Variants in IL27RA observed in about 807,000 individuals in gnomAD.
The protein encoded by IL27RA is interleukin-27 receptor subunit alpha.
Under a neutral mutation model 80.8 loss-of-function variants are expected in IL27RA, and 61 were observed. The ratio of observed to expected loss-of-function variants is 0.76; its 90% CI spans 0.61 to 0.93. IL27RA has a LOEUF of 0.93. Among genes scored for constraint, IL27RA ranks in the 40% least tolerant of loss-of-function variants. The pLI is 0.00. For missense variants in IL27RA, 735 were observed against 808.1 expected (o/e 0.91, Z 1.10); for synonymous variants, 316 against 332.5 (o/e 0.95, Z 0.54).
At chr19:14,032,763 G>A (rs1975839105) in intron 2 of IL27RA, among the ~76,000 whole-genome samples, 1 of 135,042 alleles carries the variant, frequency 7.4e-6, no homozygotes, top group Non-Finnish European at 1.5e-5. Context: ...CCCAGATCTC[G>A]CCACTGCACT....
intron 10 of IL27RA, among the ~76,000 whole-genome samples, chr19:14,050,203 T>C (rs1286671635): frequency 6.7e-6 from 1 of 150,126 alleles, no homozygotes; most frequent in Non-Finnish European, 1.5e-5. Context: ...AAGTGCTGAG[T>C]AGAGAATGAA....
chr19:14,047,525 T>A (rs10407905), intron 8 of IL27RA, among the ~76,000 whole-genome samples: 1,513 of 151,136 alleles, frequency 0.01, 21 homozygotes, highest in African/African-American at 0.034. Flanking sequence ...CCCAGCTAAT[T>A]TTTTTATTTT....
intron 6 of IL27RA, among the ~76,000 whole-genome samples, chr19:14,045,146 G>A (rs1457248619): frequency 6.6e-6 from 1 of 151,112 alleles, no homozygotes; most frequent in Non-Finnish European, 1.5e-5. Flanking sequence ...AATTAGCGGG[G>A]TGTGGTGGCA....
chr19:14,039,920 G>C lies in IL27RA; in HGVS notation c.534+10G>C, dbSNP rs1421178034. On this transcript the variant is annotated intron_variant, in intron 4 of 13. Coordinates refer to ENST00000263379, the MANE Select transcript of IL27RA (RefSeq NM_004843.4). ...GGCGGCCTGGACCCTGGTGAGTGCT[G>C]GGGTCCTTTTCTCCCCACCCTATTC... 6.2e-7 allele frequency: 1 copy of C among 1,613,026 alleles called. No homozygotes were observed. Among genetic ancestry groups the C allele is most frequent in the South Asian group, 1.1e-5 (1 of 91,040 alleles).
intron 6 of IL27RA, among the ~76,000 whole-genome samples, chr19:14,043,325 C>T (rs144436458): frequency 6.5e-4 from 99 of 152,176 alleles, no homozygotes; most frequent in Non-Finnish European, 1.2e-3. Flanking sequence ...AGGATGGGTG[C>T]AGATATTCCG....
chr19:14,047,931 G>A (rs796166111), intron 8 of IL27RA, among the ~76,000 whole-genome samples: 2 of 150,998 alleles, frequency 1.3e-5, no homozygotes, highest in African/African-American at 4.9e-5. Context: ...CAAAGTGCTG[G>A]GATTTCAGGC....
Position 14,031,991 on chromosome 19 carries a change from T to G in IL27RA, c.100+19T>G. Reference sequence around the variant, plus strand: ...CCCCAGGGTGAGTGCTGGAGGGAGCTCGTGTCCCGGGCGCTGCCGCTGCGC... The same window carrying G: ...CCCCAGGGTGAGTGCTGGAGGGAGCGCGTGTCCCGGGCGCTGCCGCTGCGC... On this transcript the variant is annotated intron_variant, in intron 1 of 13. Coordinates refer to ENST00000263379, the MANE Select transcript of IL27RA (RefSeq NM_004843.4). The G allele has an allele frequency of 6.3e-7, 1 of 1,592,514 alleles. No homozygotes were observed. Among genetic ancestry groups the G allele is most frequent in the Non-Finnish European group, 8.6e-7 (1 of 1,166,956 alleles).
Position 14,042,623 on chromosome 19 carries a change from C to T in IL27RA, c.694+11C>T. On this transcript the variant is annotated intron_variant, in intron 5 of 13. Transcript: ENST00000263379. ...AGACACCGCCTTCTGGTGAGGATATCTGGGCTTGCCCTCAATCCACGCCCC... is the reference window on the plus strand; with the variant it reads ...AGACACCGCCTTCTGGTGAGGATATTTGGGCTTGCCCTCAATCCACGCCCC... The T allele has an allele frequency of 6.2e-7, 1 of 1,614,102 alleles. No individual in the cohort carries two copies. Among genetic ancestry groups the T allele is most frequent in the South Asian group, 1.1e-5 (1 of 91,088 alleles).
In IL27RA at chr19:14,052,465, G is replaced by A. The variant is rs1412277036; in HGVS notation, c.*175G>A. 4.0e-6 allele frequency: 2 copies of A among 500,850 alleles called. No homozygotes were observed. Among genetic ancestry groups the A allele is most frequent in the Non-Finnish European group, 6.8e-6 (2 of 292,580 alleles). The allele number at this position is 500,850 out of a possible 1,614,324, so 31.0% of individuals were successfully genotyped here. On this transcript the variant is annotated 3_prime_UTR_variant, in exon 14 of 14. Coordinates refer to ENST00000263379, the MANE Select transcript of IL27RA (RefSeq NM_004843.4). ...GCTGGGATTGAAGGACCCCTATAGAGAAGGGCTTGGCCCCCATGGGGAAGA... is the reference window on the plus strand; with the variant it reads ...GCTGGGATTGAAGGACCCCTATAGAAAAGGGCTTGGCCCCCATGGGGAAGA...
rs1976170731 is a variant in IL27RA, at chr19:14,051,850, CTGCTGCCCTGACTACTCCTGTCT to C, written c.1623-26_1623-4del. The C allele has an allele frequency of 6.5e-7, 1 of 1,546,454 alleles. No homozygotes were observed. Among genetic ancestry groups the C allele is most frequent in the Non-Finnish European group, 8.8e-7 (1 of 1,134,958 alleles). ...GGCTGGGGCATCTGGCCATCTGGATCTGCTGCCCTGACTACTCCTGTCTTGCCAGGTGCTACCACCTAAGGCAC... is the reference window on the plus strand; with the variant it reads ...GGCTGGGGCATCTGGCCATCTGGATCTGCCAGGTGCTACCACCTAAGGCAC... On this transcript the variant is annotated splice_region_variant and splice_polypyrimidine_tract_variant and intron_variant, in intron 12 of 13. Transcript: ENST00000263379.
At chr19:14,045,290 GAAA>G (rs998564347) in intron 6 of IL27RA, among the ~76,000 whole-genome samples, 1 of 106,434 alleles carries the variant, frequency 9.4e-6, no homozygotes. Flanking sequence ...ATGTCAAAAA[GAAA>G]AAAAAAAAAA....
intron 6 of IL27RA, among the ~76,000 whole-genome samples, chr19:14,043,815 A>C (rs1006376410): frequency 6.6e-6 from 1 of 151,538 alleles, no homozygotes; most frequent in Non-Finnish European, 1.5e-5. Context: ...TGAGAGGCTC[A>C]GGTGGGCAGA....
intron 2 of IL27RA, among the ~76,000 whole-genome samples, chr19:14,032,728 C>T (rs1483868250): frequency 6.7e-6 from 1 of 148,158 alleles, no homozygotes; most frequent in Non-Finnish European, 1.5e-5. Flanking sequence ...ATCGCTTGAA[C>T]CCGGGAGGCG....
chr19:14,052,330 G>GGTGCAACCTGC lies in IL27RA; in HGVS notation c.*40_*41insGTGCAACCTGC. 1.4e-6 allele frequency: 2 copies of GGTGCAACCTGC among 1,424,720 alleles called. No homozygotes were observed. The highest frequency in any genetic ancestry group is 1.9e-6 in the Non-Finnish European group (2 of 1,077,632). The allele number at this position is 1,424,720 out of a possible 1,614,324, so 88.3% of individuals were successfully genotyped here. On this transcript the variant is annotated 3_prime_UTR_variant, in exon 14 of 14. Coordinates refer to ENST00000263379, the MANE Select transcript of IL27RA (RefSeq NM_004843.4). Reference sequence around the variant, plus strand: ...TGGGGGCTGCCAGCCAGGCTAGAGGGATGCTCATGCAGGTTGCACCCCAGT... The same window carrying GGTGCAACCTGC: ...TGGGGGCTGCCAGCCAGGCTAGAGGGGTGCAACCTGCATGCTCATGCAGGTTGCACCCCAGT...
intron 6 of IL27RA, among the ~76,000 whole-genome samples, chr19:14,043,811 G>A (rs1326139109): frequency 6.6e-6 from 1 of 151,550 alleles, no homozygotes; most frequent in Non-Finnish European, 1.5e-5. Flanking sequence ...ACTTTGAGAG[G>A]CTCAGGTGGG....
intron 11 of IL27RA, 78 bp from the exon 12 acceptor site, chr19:14,051,529 A>G: frequency 1.2e-6 from 1 of 802,122 alleles, no homozygotes. Flanking sequence ...GTGACAGGGC[A>G]AGACTCTGTC....
intron 4 of IL27RA, among the ~76,000 whole-genome samples, chr19:14,041,305 C>T (rs1008007214): frequency 7.2e-5 from 11 of 152,098 alleles, no homozygotes; most frequent in Non-Finnish European, 1.6e-4. Flanking sequence ...TCAAGTGATT[C>T]CCCCACCTCA....
At chr19:14,039,720 T>C in intron 3 of IL27RA, 33 bp from the exon 4 acceptor site, 1 of 1,610,604 alleles carries the variant, frequency 6.2e-7, no homozygotes, top group Non-Finnish European at 8.5e-7. Flanking sequence ...TTGGAGGGCG[T>C]GGCTCACTAC....
At position 14,036,233 on chromosome 19, in the gene IL27RA, G is replaced by A. The variant is rs141175119; in HGVS notation, c.219-3275G>A. On this transcript the variant is annotated intron_variant, in intron 2 of 13. Coordinates refer to ENST00000263379, the MANE Select transcript of IL27RA (RefSeq NM_004843.4). ...TAGTCTCAAACTCCTGAGCTCAAGC[G>A]ATCCTCCCATCTTGCCCTCCCAAAA... 2.1e-3 allele frequency among the ~76,000 whole-genome samples: 323 copies of A among 152,050 alleles called. 1 individual carries two copies. The highest frequency in any genetic ancestry group is 7.5e-3 in the African/African-American group (310 of 41,500).
Sources: gnomAD v4.1 joint callset for allele counts (sites outside exome capture counted in the v4.1 genomes callset) on GRCh38, gnomAD v4.1.1 for gene constraint, MANE v1.5 for transcripts, NCBI Gene and HGNC (gene_info 2026-07-23, HGNC 2026-07-21) for gene names.